Variants in CNTNAP2 observed in about 807,000 individuals in gnomAD.
CNTNAP2 encodes contactin-associated protein-like 2.
In CNTNAP2, 98 loss-of-function variants were observed where a neutral mutation model predicts 155.2. The observed-to-expected ratio is 0.63, with a 90% CI of 0.54 to 0.75. The LOEUF is 0.75. CNTNAP2 is among the 30% of genes least tolerant of loss of function. The pLI is 0.00. For missense variants in CNTNAP2, 1,727 were observed against 1,688.1 expected (o/e 1.02, Z -0.40); for synonymous variants, 651 against 631.2 (o/e 1.03, Z -0.47).
chr7:147,676,636 T>C (rs955101542), intron 13 of CNTNAP2, among the ~76,000 whole-genome samples: 1 of 151,966 alleles, frequency 6.6e-6, no homozygotes, highest in Non-Finnish European at 1.5e-5. Context: ...TTCGTATTCT[T>C]TGACCAATAT....
Position 146,408,211 on chromosome 7 carries a change from C to T in CNTNAP2, c.97+291238C>T, listed in dbSNP as rs144726057. 5.5e-3 allele frequency among the ~76,000 whole-genome samples: 830 copies of T among 152,094 alleles called. 8 individuals are homozygous for T. Among genetic ancestry groups the T allele is most frequent in the African/African-American group, 0.019 (773 of 41,504 alleles). ...GTTGAACCATATTAATTGCTTCAAGCAAAATTAACCATTAAAAATAAGCAA... is the reference window on the plus strand; with the variant it reads ...GTTGAACCATATTAATTGCTTCAAGTAAAATTAACCATTAAAAATAAGCAA... On this transcript the variant is annotated intron_variant, in intron 1 of 23. Transcript: ENST00000361727.
chr7:146,244,096 C>G (rs1316706031), intron 1 of CNTNAP2, among the ~76,000 whole-genome samples: 1 of 151,982 alleles, frequency 6.6e-6, no homozygotes, highest in African/African-American at 2.4e-5. Flanking sequence ...AATTGAAAAA[C>G]TAAATGGAAT....
intron 1 of CNTNAP2, among the ~76,000 whole-genome samples, chr7:146,225,165 A>C (rs769672687): frequency 4.6e-5 from 7 of 152,110 alleles, no homozygotes; most frequent in Non-Finnish European, 8.8e-5. Flanking sequence ...CTTTAAGCAA[A>C]ATCAACAGCA....
chr7:148,080,166 C>T (rs1338741563), intron 15 of CNTNAP2, among the ~76,000 whole-genome samples: 1 of 152,182 alleles, frequency 6.6e-6, no homozygotes, highest in Non-Finnish European at 1.5e-5. Context: ...TTACAATGAG[C>T]ATATAGCAGA....
rs371837371 is a variant in CNTNAP2 at position 146,490,014 on chromosome 7, G to A, written c.98-284257G>A. ...GGGTAGGGATCAATCAGAAGAAAGC[G>A]CATCAAATGGGAAGACAGGTTCTCA... is the stretch of plus-strand genomic sequence containing the variant. On this transcript the variant is annotated intron_variant, in intron 1 of 23. Coordinates refer to ENST00000361727, the MANE Select transcript of CNTNAP2 (RefSeq NM_014141.6). Among the ~76,000 whole-genome samples the A allele has an allele frequency of 2.1e-4, 32 of 152,220 alleles. 1 individual carries two copies. In the South Asian group the frequency reaches 2.9e-3, roughly 14 times the overall value.
In CNTNAP2 at chr7:147,562,877, G is replaced by A. The variant is rs560089800; in HGVS notation, c.1897+620G>A. ...TAAGATAAGAACAGATTTTCCATCA[G>A]ACACTTGGCAATATCTTACGCTTCA... On this transcript the variant is annotated intron_variant, in intron 12 of 23. Coordinates refer to ENST00000361727, the MANE Select transcript of CNTNAP2 (RefSeq NM_014141.6). Among the ~76,000 whole-genome samples the A allele has an allele frequency of 4.6e-5, 7 of 152,300 alleles. No homozygotes were observed. The South Asian group carries it at 1.5e-3, about 32-fold the overall frequency.
At chr7:147,420,948 T>A (rs1797282069) in intron 10 of CNTNAP2, among the ~76,000 whole-genome samples, 1 of 152,154 alleles carries the variant, frequency 6.6e-6, no homozygotes, top group Admixed American at 6.6e-5. Flanking sequence ...CTTTTTGATG[T>A]TCACCTCCAA....
chr7:146,483,307 A>G (rs1198073121), intron 1 of CNTNAP2, among the ~76,000 whole-genome samples: 3 of 93,668 alleles, frequency 3.2e-5, no homozygotes, highest in South Asian at 3.0e-4. Context: ...ATATATATAT[A>G]TATATATATA....
chr7:146,859,521 G>T (rs967928917), intron 3 of CNTNAP2, among the ~76,000 whole-genome samples: 1 of 152,110 alleles, frequency 6.6e-6, no homozygotes, highest in African/African-American at 2.4e-5. Context: ...CCAGGCTGTG[G>T]TGGTGCATGC....
At chr7:147,438,404 G>A (rs1010964833) in intron 10 of CNTNAP2, among the ~76,000 whole-genome samples, 4 of 149,712 alleles carry the variant, frequency 2.7e-5, no homozygotes, top group Non-Finnish European at 6.0e-5. Context: ...TTGATATGAT[G>A]TATCACATTG....
intron 15 of CNTNAP2, chr7:147,978,224 A>T (rs1297012811): frequency 1.9e-6 from 1 of 539,194 alleles, no homozygotes; most frequent in African/African-American, 1.9e-5. Context: ...TTCATATGTA[A>T]CAAGTTTGAC....
chr7:147,934,503 C>T (rs903916866), intron 14 of CNTNAP2, among the ~76,000 whole-genome samples: 1 of 152,198 alleles, frequency 6.6e-6, no homozygotes, highest in Non-Finnish European at 1.5e-5. Context: ...CACCAAGTCC[C>T]TCCCACAACA....
At chr7:147,734,895 A>T (rs1193524661) in intron 13 of CNTNAP2, among the ~76,000 whole-genome samples, 2 of 150,666 alleles carry the variant, frequency 1.3e-5, no homozygotes, top group Admixed American at 6.6e-5. Flanking sequence ...TGTCTATTTG[A>T]TTCTTCTCTC....
At chr7:147,367,917 G>A (rs1185992256) in intron 9 of CNTNAP2, among the ~76,000 whole-genome samples, 1 of 151,914 alleles carries the variant, frequency 6.6e-6, no homozygotes, top group Non-Finnish European at 1.5e-5. Context: ...AACCTTTGCG[G>A]TCAGGTCCTT....
At chr7:146,811,244 A>G (rs1803060802) in intron 2 of CNTNAP2, among the ~76,000 whole-genome samples, 1 of 152,170 alleles carries the variant, frequency 6.6e-6, no homozygotes, top group South Asian at 2.1e-4. Context: ...CATAAAATTC[A>G]CCAGTGATGC....
chr7:147,770,475 C>T (rs562513932), intron 13 of CNTNAP2, among the ~76,000 whole-genome samples: 14 of 152,028 alleles, frequency 9.2e-5, no homozygotes, highest in Middle Eastern at 3.4e-3. Context: ...GCGCTAATGG[C>T]GATAAAGAGT....
At chr7:147,342,623 A>G (rs1795784229) in intron 9 of CNTNAP2, among the ~76,000 whole-genome samples, 1 of 152,200 alleles carries the variant, frequency 6.6e-6, no homozygotes, top group African/African-American at 2.4e-5. Flanking sequence ...AACCCGTAGC[A>G]ATTTCAGTTG....
intron 20 of CNTNAP2, among the ~76,000 whole-genome samples, chr7:148,261,988 T>C (rs1030094634): frequency 3.9e-5 from 6 of 152,148 alleles, no homozygotes; most frequent in Admixed American, 3.3e-4. Flanking sequence ...AGGAATTCCA[T>C]TGTTTATCAT....
chr7:146,284,201 A>G (rs1413579006), intron 1 of CNTNAP2, among the ~76,000 whole-genome samples: 1 of 152,180 alleles, frequency 6.6e-6, no homozygotes, highest in Non-Finnish European at 1.5e-5. Context: ...CAAAACACAC[A>G]TTTTGGGAGA....
Sources: allele counts gnomAD v4.1 joint callset (sites outside exome capture counted in the v4.1 genomes callset), GRCh38; gene constraint gnomAD v4.1.1; transcripts MANE v1.5; gene names NCBI Gene and HGNC (gene_info 2026-07-23, HGNC 2026-07-21).